GRAMD1B: variants seen among roughly 807,000 people sequenced by gnomAD.
GRAMD1B encodes the protein protein Aster-B.
In GRAMD1B, 37 loss-of-function variants were observed where a neutral mutation model predicts 99.7. The observed-to-expected ratio is 0.37, with a 90% CI of 0.29 to 0.49. GRAMD1B has a LOEUF of 0.49. Among genes scored for constraint, GRAMD1B ranks in the 20% least tolerant of loss-of-function variants. The probability of loss-of-function intolerance (pLI) is 0.98; values close to 1 mark genes in which losing one functional copy is unlikely to be tolerated. For synonymous variants in GRAMD1B, 427 were observed against 387.6 expected, an observed-to-expected ratio of 1.10 and a Z score of -1.19; for missense variants, 888 against 1,009.2, an observed-to-expected ratio of 0.88 and a Z score of 1.63.
chr11:123,395,064 T>G (rs1396377890), intron 1 of GRAMD1B, among the ~76,000 whole-genome samples: 2 of 152,192 alleles, frequency 1.3e-5, no homozygotes, highest in East Asian at 3.8e-4. Context: ...GGGCCAAACA[T>G]TTGAAACATA....
intron 2 of GRAMD1B, among the ~76,000 whole-genome samples, chr11:123,566,350 T>C (rs1947365868): frequency 1.3e-5 from 2 of 152,224 alleles, no homozygotes; most frequent in Admixed American, 1.3e-4. Flanking sequence ...TTAGTTTTCA[T>C]GGACCCAAGA....
chr11:123,566,523 T>C (rs113421677), intron 2 of GRAMD1B, among the ~76,000 whole-genome samples: 3,353 of 152,168 alleles, frequency 0.022, 57 homozygotes, highest in East Asian at 0.087. Context: ...TCCCAGCACT[T>C]TGGGAGGCCG....
chr11:123,617,870 C>A (rs2137096786), intron 17 of GRAMD1B, among the ~76,000 whole-genome samples: 1 of 152,306 alleles, frequency 6.6e-6, no homozygotes, highest in East Asian at 1.9e-4. Context: ...TCCCCACAGC[C>A]CCTCCAGCCC....
At chr11:123,541,810 G>T (rs1401294948) in intron 2 of GRAMD1B, among the ~76,000 whole-genome samples, 1 of 152,096 alleles carries the variant, frequency 6.6e-6, no homozygotes, top group African/African-American at 2.4e-5. Flanking sequence ...AAGAGTATAT[G>T]TATTCTTATC....
intron 1 of GRAMD1B, among the ~76,000 whole-genome samples, chr11:123,401,006 GCTCTCT>G (rs139874399): frequency 0.01 from 1,583 of 152,020 alleles, 23 homozygotes; most frequent in African/African-American, 0.037. Context: ...AACAGAGCAT[GCTCTCT>G]CTCTCTAACA....
intron 2 of GRAMD1B, among the ~76,000 whole-genome samples, chr11:123,557,738 G>C (rs1329103052): frequency 1.3e-5 from 2 of 152,130 alleles, no homozygotes; most frequent in Non-Finnish European, 2.9e-5. Flanking sequence ...TATTTGTCTG[G>C]TCCCTGACAT....
At position 123,610,429 on chromosome 11, in the gene GRAMD1B, G is replaced by T; in HGVS notation, c.1919+91G>T. The T allele has an allele frequency of 7.7e-7, 1 of 1,302,120 alleles. No individual in the cohort carries two copies. The highest frequency in any genetic ancestry group is 1.4e-5 in the African/African-American group (1 of 69,214). 80.7% of individuals were successfully genotyped at this position (1,302,120 alleles called of 1,614,324 possible). Reference sequence around the variant, plus strand: ...TCCTGACGGGGAAGGAGGAGGTGGGGAGTGCTTGGCTGCTGACTCTCTTTA... The same window carrying T: ...TCCTGACGGGGAAGGAGGAGGTGGGTAGTGCTTGGCTGCTGACTCTCTTTA... On this transcript the variant is annotated intron_variant, in intron 14 of 19. Coordinates refer to ENST00000635736, the MANE Select transcript of GRAMD1B (RefSeq NM_001387025.1). The surrounding 1 kb of genome is among the most constrained non-coding windows in gnomAD (Gnocchi z 4.1).
At chr11:123,460,282 GGC>G (rs1472139592) in intron 1 of GRAMD1B, 1 of 152,152 alleles carries the variant, frequency 6.6e-6, no homozygotes, top group African/African-American at 2.4e-5. Flanking sequence ...AGTGGAAAAT[GGC>G]ATTGTGGAAA....
At chr11:123,422,427 A>G (rs1022255257) in intron 1 of GRAMD1B, among the ~76,000 whole-genome samples, 13 of 152,348 alleles carry the variant, frequency 8.5e-5, no homozygotes, top group Admixed American at 2.6e-4. Context: ...GGGACCACCA[A>G]TGAAAATCCT....
intron 1 of GRAMD1B, among the ~76,000 whole-genome samples, chr11:123,473,673 C>G (rs1300000216): frequency 6.6e-6 from 1 of 152,166 alleles, no homozygotes; most frequent in Non-Finnish European, 1.5e-5. Context: ...GGATTCTACC[C>G]ACCTTGCTGC....
At chr11:123,472,965 G>A (rs193077834) in intron 1 of GRAMD1B, among the ~76,000 whole-genome samples, 2 of 152,322 alleles carry the variant, frequency 1.3e-5, no homozygotes, top group African/African-American at 2.4e-5. Flanking sequence ...AATTTTACAG[G>A]CTGCTCTTTG....
chr11:123,437,542 C>T (rs1232194582), intron 1 of GRAMD1B, among the ~76,000 whole-genome samples: 1 of 152,180 alleles, frequency 6.6e-6, no homozygotes, highest in Non-Finnish European at 1.5e-5. Context: ...TACCATCTTT[C>T]ACCTGGCTGT....
At chr11:123,560,953 C>G (rs1392108805) in intron 2 of GRAMD1B, among the ~76,000 whole-genome samples, 3 of 152,194 alleles carry the variant, frequency 2.0e-5, no homozygotes, top group African/African-American at 7.2e-5. Context: ...GATCCGAAAG[C>G]AGCCAGTGTG....
At chr11:123,593,065 C>G (rs1048977453) in intron 4 of GRAMD1B, among the ~76,000 whole-genome samples, 1 of 152,082 alleles carries the variant, frequency 6.6e-6, no homozygotes, top group Non-Finnish European at 1.5e-5. Context: ...AACCCCATCT[C>G]TAGTAAAAAT....
At chr11:123,590,639 C>T (rs1950554161) in intron 4 of GRAMD1B, among the ~76,000 whole-genome samples, 1 of 152,166 alleles carries the variant, frequency 6.6e-6, no homozygotes, top group African/African-American at 2.4e-5. Context: ...AACAAAGAAG[C>T]TGTTTGCTGG....
At chr11:123,562,865 T>C (rs1946929175) in intron 2 of GRAMD1B, among the ~76,000 whole-genome samples, 1 of 152,214 alleles carries the variant, frequency 6.6e-6, no homozygotes, top group African/African-American at 2.4e-5. Context: ...AAAGGAACAG[T>C]GAGCAATTTC....
At chr11:123,575,496 T>G (rs1050589381) in intron 2 of GRAMD1B, among the ~76,000 whole-genome samples, 6 of 152,166 alleles carry the variant, frequency 3.9e-5, no homozygotes, top group Non-Finnish European at 8.8e-5. Context: ...TAGTTATTTT[T>G]TGAGCAAACT....
rs778486834 is a variant in GRAMD1B, at chr11:123,577,624, G to A, written c.663+47G>A. 20 of 1,419,356 alleles carry A rather than the reference G, an allele frequency of 1.4e-5. No individual in the cohort carries two copies. The South Asian group carries it at 2.3e-4, about 17-fold the overall frequency. The allele number at this position is 1,419,356 out of a possible 1,614,324, so 87.9% of individuals were successfully genotyped here. A position where few individuals can be genotyped will look rare whatever the true frequency, so the allele number is the denominator to read the frequency against. The stretch of plus-strand genomic sequence containing the variant: ...CGGTACCTCCTTGTCAGGGGCTGCG[G>A]GGAGCGATATTGGGGTGGTGAGCCG... On this transcript the variant is annotated intron_variant, in intron 3 of 19. Coordinates refer to ENST00000635736, the MANE Select transcript of GRAMD1B (RefSeq NM_001387025.1).
chr11:123,367,837 G>C (rs568510245), intron 1 of GRAMD1B, among the ~76,000 whole-genome samples: 4 of 152,064 alleles, frequency 2.6e-5, no homozygotes. Context: ...TGAGTGGTCC[G>C]GGAGAGACCT....
Sources: gnomAD v4.1 joint callset for allele counts (sites outside exome capture counted in the v4.1 genomes callset) on GRCh38, gnomAD v4.1.1 for gene constraint, Gnocchi (gnomAD v3.1) non-coding constraint, MANE v1.5 for transcripts, NCBI Gene and HGNC (gene_info 2026-07-23, HGNC 2026-07-21) for gene names.